Variants in CAB39 observed in about 807,000 individuals in gnomAD.
CAB39 encodes the protein calcium binding protein 39.
Under a neutral mutation model 40.0 loss-of-function variants are expected in CAB39, and 8 were observed. The observed-to-expected ratio is 0.20, with a 90% CI of 0.12 to 0.36. The LOEUF (loss-of-function observed/expected upper bound fraction) is 0.36. Ranked by LOEUF, CAB39 falls within the 10% of genes least tolerant of loss-of-function variation. The pLI, the probability that CAB39 is intolerant of heterozygous loss-of-function variation, is 1.00. For missense variants in CAB39, 270 were observed against 401.1 expected (o/e 0.67, Z 2.79); for synonymous variants, 156 against 141.6 (o/e 1.10, Z -0.72).
At chr2:230,808,454 G>C (rs145240083) in intron 5 of CAB39, among the ~76,000 whole-genome samples, 257 of 152,280 alleles carry the variant, frequency 1.7e-3, no homozygotes, top group African/African-American at 5.7e-3. Context: ...CATGTTAAAT[G>C]GTGCTGTCCG....
intron 7 of CAB39, among the ~76,000 whole-genome samples, chr2:230,815,536 G>A (rs994069381): frequency 6.6e-6 from 1 of 152,182 alleles, no homozygotes; most frequent in African/African-American, 2.4e-5. Flanking sequence ...GGCCACAAAG[G>A]CCAGACAGGA....
chr2:230,732,074 C>A (rs1205695953), intron 1 of CAB39, among the ~76,000 whole-genome samples: 1 of 151,280 alleles, frequency 6.6e-6, no homozygotes, highest in African/African-American at 2.4e-5. Flanking sequence ...GTGAAATTAT[C>A]TCTCTCTTTT....
At position 230,794,242 on chromosome 2, in the gene CAB39, C is replaced by T. The variant is rs114481098; in HGVS notation, c.398+911C>T. 9.0e-3 allele frequency among the ~76,000 whole-genome samples: 1,365 copies of T among 152,320 alleles called. 13 individuals carry two copies. The highest frequency in any genetic ancestry group is 0.031 in the African/African-American group (1,300 of 41,568). ...AAGCTTGTTTAGACAAAGTGTGAGT[C>T]AGTGCCTGTGTTGCACGCCAGCGTT... On this transcript the variant is annotated intron_variant, in intron 4 of 8. Coordinates refer to ENST00000258418, the MANE Select transcript of CAB39 (RefSeq NM_016289.4).
rs550165074 is a variant in CAB39 at position 230,725,454 on chromosome 2, C to T, written c.-44+12224C>T. 19 of 1,445,330 alleles carry T rather than the reference C, an allele frequency of 1.3e-5. No homozygotes were observed. In the South Asian group the frequency reaches 2.0e-4, roughly 15 times the overall value. The allele number at this position is 1,445,330 out of a possible 1,614,324, so 89.5% of individuals were successfully genotyped here. A position where few individuals can be genotyped will look rare whatever the true frequency, so the allele number is the denominator to read the frequency against. On this transcript the variant is annotated intron_variant, in intron 1 of 8. Transcript: ENST00000258418. ...CAGTTCCCGTAACGGTTCCTCCCGC[C>T]ACCCGGCCACTCCTGCGGATACCTC...
intron 1 of CAB39, among the ~76,000 whole-genome samples, chr2:230,758,752 G>A (rs1408754816): frequency 1.3e-5 from 2 of 152,090 alleles, no homozygotes; most frequent in Admixed American, 6.6e-5. Context: ...GAGCACCTTG[G>A]GCAGTTAAAT....
chr2:230,755,921 T>C (rs1426280512), intron 1 of CAB39, among the ~76,000 whole-genome samples: 2 of 152,204 alleles, frequency 1.3e-5, no homozygotes, highest in Non-Finnish European at 2.9e-5. Flanking sequence ...ATCTCCATAC[T>C]CTAGGGATTG....
At chr2:230,795,247 G>A (rs1302582090) in intron 4 of CAB39, among the ~76,000 whole-genome samples, 3 of 149,664 alleles carry the variant, frequency 2.0e-5, no homozygotes, top group African/African-American at 7.5e-5. Flanking sequence ...CTGCACTTTA[G>A]CCTGGGTGAC....
At chr2:230,763,334 G>A (rs1285675948) in intron 2 of CAB39, among the ~76,000 whole-genome samples, 1 of 152,200 alleles carries the variant, frequency 6.6e-6, no homozygotes, top group Non-Finnish European at 1.5e-5. Context: ...GCTCATGCCT[G>A]TAATTCTGAC....
At chr2:230,773,312 A>ATGTGTGTGTGTGTGTGTGTG (rs1321034177) in intron 2 of CAB39, among the ~76,000 whole-genome samples, 29 of 85,122 alleles carry the variant, frequency 3.4e-4, no homozygotes, top group African/African-American at 9.8e-4. Context: ...ATATATATAT[A>ATGTGTGTGTGTGTGTGTGTG]TATGTGTGTG....
chr2:230,772,979 C>CAAAAAAA (rs1402536381), intron 2 of CAB39, among the ~76,000 whole-genome samples: 2 of 60,916 alleles, frequency 3.3e-5, no homozygotes, highest in Non-Finnish European at 2.8e-5. Context: ...TACTACTCAG[C>CAAAAAAA]AATAAAAAAA....
At chr2:230,723,697 A>C (rs988415012) in intron 1 of CAB39, among the ~76,000 whole-genome samples, 2 of 152,078 alleles carry the variant, frequency 1.3e-5, no homozygotes, top group African/African-American at 4.8e-5. Context: ...AAGATTAGAG[A>C]GGGTAGGAGG....
At chr2:230,754,204 C>A (rs1695139683) in intron 1 of CAB39, among the ~76,000 whole-genome samples, 1 of 152,102 alleles carries the variant, frequency 6.6e-6, no homozygotes, top group South Asian at 2.1e-4. Flanking sequence ...TATCTGGTTA[C>A]ATAAGTTCTT....
At chr2:230,757,293 C>T (rs981519773) in intron 1 of CAB39, among the ~76,000 whole-genome samples, 10 of 151,876 alleles carry the variant, frequency 6.6e-5, no homozygotes, top group Admixed American at 4.6e-4. Context: ...ACAGGGTCTC[C>T]CTATGTTGCC....
intron 2 of CAB39, among the ~76,000 whole-genome samples, chr2:230,784,215 A>G (rs1447128644): frequency 6.6e-6 from 1 of 152,162 alleles, no homozygotes; most frequent in Non-Finnish European, 1.5e-5. Flanking sequence ...TCTGACGTGT[A>G]GTAACATCAT....
chr2:230,790,429 T>A (rs1480953873), intron 2 of CAB39, among the ~76,000 whole-genome samples: 1 of 152,132 alleles, frequency 6.6e-6, no homozygotes. Flanking sequence ...CCTCCACACC[T>A]TTTCTGTGAT....
chr2:230,740,469 G>A (rs937721168), intron 1 of CAB39, among the ~76,000 whole-genome samples: 7 of 152,166 alleles, frequency 4.6e-5, no homozygotes, highest in Admixed American at 1.3e-4. Flanking sequence ...CTGCTGGCAC[G>A]TCCCAAAATG....
intron 1 of CAB39, among the ~76,000 whole-genome samples, chr2:230,732,854 A>G (rs769511702): frequency 3.3e-5 from 5 of 152,170 alleles, no homozygotes; most frequent in Admixed American, 1.3e-4. Context: ...AAAGTTATTT[A>G]TTTCATGACA....
chr2:230,739,331 A>G (rs1395733584), intron 1 of CAB39, among the ~76,000 whole-genome samples: 1 of 152,254 alleles, frequency 6.6e-6, no homozygotes, highest in African/African-American at 2.4e-5. Flanking sequence ...TAAAGATATG[A>G]TAATTTAACT....
rs1173561142 is a variant in CAB39, at chr2:230,820,630, A to G, written c.*1926A>G. The stretch of plus-strand genomic sequence containing the variant: ...TCTTCTTGCCAAGCTCATTCTTAGA[A>G]CTTACACATCTAGAACAGCTTCCAC... On this transcript the variant is annotated 3_prime_UTR_variant, in exon 9 of 9. Coordinates refer to ENST00000258418, the MANE Select transcript of CAB39 (RefSeq NM_016289.4). The G allele has an allele frequency of 6.6e-6, 1 of 152,624 alleles. No individual in the cohort carries two copies. Among genetic ancestry groups the G allele is most frequent in the African/African-American group, 2.4e-5 (1 of 41,440 alleles). 9.5% of individuals were successfully genotyped at this position (152,624 alleles called of 1,614,324 possible).
Sources: allele counts gnomAD v4.1 joint callset (sites outside exome capture counted in the v4.1 genomes callset), GRCh38; gene constraint gnomAD v4.1.1; transcripts MANE v1.5; gene names NCBI Gene and HGNC (gene_info 2026-07-23, HGNC 2026-07-21).